The following PLXNA4 variants were observed in gnomAD, a reference collection of about 807,000 sequenced individuals.
The protein encoded by PLXNA4 is plexin A4.
A neutral mutation model predicts 191.8 loss-of-function variants in PLXNA4; 44 were observed. The observed-to-expected ratio is 0.23, with a 90% CI of 0.18 to 0.29. The LOEUF (loss-of-function observed/expected upper bound fraction) is 0.29, where lower values mean the gene tolerates loss of function less well. PLXNA4 is among the 10% of genes least tolerant of loss of function. PLXNA4 has a pLI of 1.00. For missense variants in PLXNA4, 1,800 were observed against 2,488.8 expected (o/e 0.72, Z 5.89); for synonymous variants, 1,082 against 1,009.5 (o/e 1.07, Z -1.36).
intron 1 of PLXNA4, among the ~76,000 whole-genome samples, chr7:132,573,752 G>C (rs113305228): frequency 6.6e-6 from 1 of 152,322 alleles, no homozygotes; most frequent in African/African-American, 2.4e-5. Context: ...GGACAGATGA[G>C]AGCCCGGGGA....
intron 4 of PLXNA4, among the ~76,000 whole-genome samples, chr7:132,287,550 G>T (rs534479299): frequency 6.6e-6 from 1 of 152,090 alleles, no homozygotes; most frequent in East Asian, 1.9e-4. Context: ...AGCCAAGTCC[G>T]TGATCTGTTC....
intron 4 of PLXNA4, among the ~76,000 whole-genome samples, chr7:132,282,530 G>T (rs564210249): frequency 6.8e-6 from 1 of 147,744 alleles, no homozygotes; most frequent in African/African-American, 2.5e-5. Context: ...GAACCTGGGA[G>T]GCAGAAGTTG....
chr7:132,212,733 T>C (rs1797843372), intron 9 of PLXNA4, among the ~76,000 whole-genome samples: 1 of 152,174 alleles, frequency 6.6e-6, no homozygotes, highest in African/African-American at 2.4e-5. Context: ...GAGAGGAAGC[T>C]GGAGGAGCAA....
intron 3 of PLXNA4, among the ~76,000 whole-genome samples, chr7:132,393,062 T>C (rs1793579519): frequency 6.6e-6 from 1 of 151,860 alleles, no homozygotes; most frequent in East Asian, 1.9e-4. Context: ...AGTTTTATTA[T>C]ACCAATTGTC....
intron 3 of PLXNA4, among the ~76,000 whole-genome samples, chr7:132,358,368 CCA>C (rs61181195): frequency 0.016 from 2,361 of 152,172 alleles, 52 homozygotes; most frequent in African/African-American, 0.054. Flanking sequence ...AGCAATATAC[CCA>C]CAGTCTTTTG....
upstream of PLXNA4, among the ~76,000 whole-genome samples, chr7:132,577,508 A>G (rs1341275627): frequency 6.6e-6 from 1 of 150,960 alleles, no homozygotes; most frequent in African/African-American, 2.4e-5. Flanking sequence ...TGACATCTAG[A>G]GCGAGGGAGA....
At chr7:132,207,242 T>G (rs1001271657) in intron 10 of PLXNA4, among the ~76,000 whole-genome samples, 3 of 152,220 alleles carry the variant, frequency 2.0e-5, no homozygotes, top group Admixed American at 6.5e-5. Flanking sequence ...GGACAAGTTC[T>G]CTTCCTATTG....
At chr7:132,411,758 A>G (rs774950675) in intron 3 of PLXNA4, among the ~76,000 whole-genome samples, 45 of 151,908 alleles carry the variant, frequency 3.0e-4, no homozygotes, top group Non-Finnish European at 5.3e-4. Context: ...TTCAAATTCC[A>G]CTCTTCACCA....
intron 1 of PLXNA4, among the ~76,000 whole-genome samples, chr7:132,515,728 A>C (rs1798912101): frequency 6.6e-6 from 1 of 152,240 alleles, no homozygotes; most frequent in Admixed American, 6.5e-5. Context: ...GCTCTTGGGA[A>C]GTCTTCACCA....
chr7:132,505,058 G>A (rs1301260862), intron 2 of PLXNA4, among the ~76,000 whole-genome samples: 2 of 152,252 alleles, frequency 1.3e-5, no homozygotes, highest in African/African-American at 4.8e-5. Flanking sequence ...CAGACTGGCT[G>A]GAGAGACAGC....
intron 16 of PLXNA4, among the ~76,000 whole-genome samples, chr7:132,184,174 C>T (rs974628445): frequency 6.6e-6 from 1 of 152,212 alleles, no homozygotes; most frequent in Non-Finnish European, 1.5e-5. Context: ...CCCCACACCC[C>T]TGAGAACTGA....
chr7:132,563,010 CTCT>C (rs1801358539), intron 1 of PLXNA4, among the ~76,000 whole-genome samples: 1 of 107,462 alleles, frequency 9.3e-6, no homozygotes. Context: ...CCTTCTCCTC[CTCT>C]TTCTCTTCCT....
At chr7:132,177,850 G>A (rs985060886) in intron 20 of PLXNA4, among the ~76,000 whole-genome samples, 1 of 152,216 alleles carries the variant, frequency 6.6e-6, no homozygotes, top group African/African-American at 2.4e-5. Flanking sequence ...GTTGACAGCT[G>A]AAGGATGTAG....
intron 10 of PLXNA4, 27 bp downstream of exon 10, chr7:132,210,916 G>A: frequency 6.2e-7 from 1 of 1,601,580 alleles, no homozygotes; most frequent in Non-Finnish European, 8.5e-7. Context: ...GGCCTGGTTT[G>A]GCAGTGGGCA....
chr7:132,414,893 T>A (rs1397213099), intron 3 of PLXNA4, among the ~76,000 whole-genome samples: 1 of 152,158 alleles, frequency 6.6e-6, no homozygotes, highest in Non-Finnish European at 1.5e-5. Context: ...CATTTCCTAG[T>A]TGTAACTACA....
intron 25 of PLXNA4, among the ~76,000 whole-genome samples, chr7:132,151,649 G>A (rs1795648875): frequency 6.6e-6 from 1 of 151,894 alleles, no homozygotes; most frequent in Admixed American, 6.6e-5. Flanking sequence ...GGAAGAAGAG[G>A]AAGAAGAAGA....
At chr7:132,238,184 A>G (rs191792284) in intron 5 of PLXNA4, among the ~76,000 whole-genome samples, 1 of 152,192 alleles carries the variant, frequency 6.6e-6, no homozygotes, top group South Asian at 2.1e-4. Flanking sequence ...CAGTGAGGTC[A>G]AGCTTAATGA....
intron 2 of PLXNA4, among the ~76,000 whole-genome samples, chr7:132,629,818 T>C (rs1803455548): frequency 6.6e-6 from 1 of 152,150 alleles, no homozygotes; most frequent in Non-Finnish European, 1.5e-5. Flanking sequence ...CTTTCTTCTG[T>C]GCATGCATGG....
chr7:132,259,246 G>A (rs1197093868), intron 4 of PLXNA4, among the ~76,000 whole-genome samples: 2 of 151,590 alleles, frequency 1.3e-5, no homozygotes, highest in Non-Finnish European at 2.9e-5. Flanking sequence ...AGTACAGCTG[G>A]GAATATCACT....
Sources: gnomAD v4.1 joint callset for allele counts (sites outside exome capture counted in the v4.1 genomes callset) on GRCh38, gnomAD v4.1.1 for gene constraint, MANE v1.5 for transcripts, NCBI Gene and HGNC (gene_info 2026-07-23, HGNC 2026-07-21) for gene names.